The following USP28 variants were observed in gnomAD, a reference collection of about 807,000 sequenced individuals.
USP28 encodes ubiquitin carboxyl-terminal hydrolase 28.
Under a neutral mutation model 145.0 loss-of-function variants are expected in USP28, and 113 were observed. The ratio of observed to expected loss-of-function variants is 0.78; its 90% CI spans 0.67 to 0.91. The LOEUF (loss-of-function observed/expected upper bound fraction) is 0.91, where lower values mean the gene tolerates loss of function less well. Among genes scored for constraint, USP28 ranks in the 40% least tolerant of loss-of-function variants. The pLI is 0.00. For missense variants in USP28, 1,201 were observed against 1,289.6 expected, an observed-to-expected ratio of 0.93 and a Z score of 1.05; for synonymous variants, 447 against 450.9, an observed-to-expected ratio of 0.99 and a Z score of 0.11.
At chr11:113,801,116 T>C (rs1021419628) in intron 24 of USP28, among the ~76,000 whole-genome samples, 3 of 152,222 alleles carry the variant, frequency 2.0e-5, no homozygotes, top group African/African-American at 7.2e-5. Context: ...AGTGCTGGGA[T>C]TACAGGTGTG....
At chr11:113,829,063 G>A in intron 10 of USP28, 134 bp downstream of exon 10, 1 of 1,191,532 alleles carries the variant, frequency 8.4e-7, no homozygotes, top group Non-Finnish European at 1.2e-6. Context: ...CAACTGATGA[G>A]AGACTTAAGA....
At chr11:113,827,143 C>G in intron 11 of USP28, 90 bp downstream of exon 11, 2 of 1,446,994 alleles carry the variant, frequency 1.4e-6, no homozygotes, top group Non-Finnish European at 1.8e-6. Flanking sequence ...TCATGTCTCC[C>G]AGGTGATTCC....
At chr11:113,835,193 TCTA>T (rs1410731041) in intron 5 of USP28, 1 of 429,850 alleles carries the variant, frequency 2.3e-6, no homozygotes, top group African/African-American at 2.1e-5. Flanking sequence ...ATCACATTTT[TCTA>T]CTATGAATAC....
intron 5 of USP28, among the ~76,000 whole-genome samples, chr11:113,837,312 C>G (rs936489546): frequency 2.6e-5 from 4 of 152,192 alleles, no homozygotes; most frequent in Non-Finnish European, 5.9e-5. Context: ...AGCAGGTGTT[C>G]AATTGTTTGC....
At chr11:113,816,490 C>T (rs373996749) in intron 13 of USP28, among the ~76,000 whole-genome samples, 145 of 152,102 alleles carry the variant, frequency 9.5e-4, no homozygotes, top group Middle Eastern at 6.8e-3. Flanking sequence ...TCCAGCCTGG[C>T]GACAGAGTGA....
chr11:113,799,776 A>T (rs986037278), intron 24 of USP28, among the ~76,000 whole-genome samples: 1 of 152,238 alleles, frequency 6.6e-6, no homozygotes, highest in Non-Finnish European at 1.5e-5. Flanking sequence ...AGGGGTGTAC[A>T]GTCTTTTGGC....
Position 113,819,877 on chromosome 11 carries a change from G to A in USP28, c.1284-2040C>T, listed in dbSNP as rs1366382461. 6.6e-5 allele frequency among the ~76,000 whole-genome samples: 10 copies of A among 152,100 alleles called. 1 individual carries two copies. The highest frequency in any genetic ancestry group is 9.7e-5 in the African/African-American group (4 of 41,420). On this transcript the variant is annotated intron_variant, in intron 12 of 24. Coordinates refer to ENST00000003302, the Ensembl canonical transcript of USP28. ...TAGGACTACAGGCATGCGCCACCAC[G>A]CTCGGCTAATTCTGTATTTTTAGTA...
chr11:113,861,010 C>T (rs981586434), intron 1 of USP28, among the ~76,000 whole-genome samples: 1 of 151,348 alleles, frequency 6.6e-6, no homozygotes, highest in Non-Finnish European at 1.5e-5. Context: ...CCCAGCTACT[C>T]GGGAGGCTGA....
chr11:113,832,368 G>A (rs777704795), intron 7 of USP28, among the ~76,000 whole-genome samples: 1 of 152,090 alleles, frequency 6.6e-6, no homozygotes, highest in African/African-American at 2.4e-5. Context: ...CCTCGGCGTC[G>A]CAAGTGCTGG....
chr11:113,867,902 A>G (rs1422993342), intron 1 of USP28, among the ~76,000 whole-genome samples: 2 of 152,160 alleles, frequency 1.3e-5, no homozygotes. Context: ...AAGATTGAAA[A>G]AGAAAATGTT....
intron 18 of USP28, 50 bp downstream of exon 19, chr11:113,807,901 G>C: frequency 1.0e-6 from 1 of 987,236 alleles, no homozygotes; most frequent in Non-Finnish European, 1.2e-6. Flanking sequence ...ACAAGAGAAG[G>C]AAATATAAGA....
At chr11:113,875,548 C>G in exon 1 of USP28, 1 of 1,130,894 alleles carries the variant, frequency 8.8e-7, no homozygotes, top group Non-Finnish European at 1.1e-6. Context: ...CCGCAGCCGC[C>G]GCCGGCCCAG....
chr11:113,837,915 A>T (rs959078865), intron 5 of USP28, among the ~76,000 whole-genome samples: 1 of 151,866 alleles, frequency 6.6e-6, no homozygotes, highest in South Asian at 2.1e-4. Flanking sequence ...TCCAACAACT[A>T]TTTCAAACTT....
intron 1 of USP28, among the ~76,000 whole-genome samples, chr11:113,869,752 A>C (rs1948635045): frequency 6.6e-6 from 1 of 152,194 alleles, no homozygotes; most frequent in Non-Finnish European, 1.5e-5. Flanking sequence ...GCCTAGTATA[A>C]CAACCCTGGG....
intron 1 of USP28, among the ~76,000 whole-genome samples, chr11:113,856,123 A>C (rs967342151): frequency 3.6e-4 from 55 of 152,314 alleles, no homozygotes; most frequent in African/African-American, 1.2e-3. Flanking sequence ...AAAAACTAAA[A>C]TCGCAAGCAT....
chr11:113,835,887 C>T (rs1471349936), intron 5 of USP28, among the ~76,000 whole-genome samples: 1 of 152,130 alleles, frequency 6.6e-6, no homozygotes, highest in African/African-American at 2.4e-5. Context: ...TCAAGACCAG[C>T]CTGACCAACA....
At chr11:113,866,999 A>T (rs1169904264) in intron 1 of USP28, among the ~76,000 whole-genome samples, 1 of 152,228 alleles carries the variant, frequency 6.6e-6, no homozygotes, top group Admixed American at 6.5e-5. Context: ...ACTTGAACAA[A>T]TCTCAAAAAC....
intron 1 of USP28, among the ~76,000 whole-genome samples, chr11:113,858,023 G>A (rs141172641): frequency 4.5e-4 from 69 of 152,086 alleles, no homozygotes; most frequent in African/African-American, 1.4e-3. Context: ...CCACCACCAC[G>A]CCCAGCTAGT....
intron 1 of USP28, 100 bp downstream of exon 1, chr11:113,875,345 C>T: frequency 4.0e-6 from 4 of 999,860 alleles, no homozygotes; most frequent in East Asian, 5.0e-5. Flanking sequence ...CCGGCCGGGG[C>T]GCCCTCCGCA....
Sources: allele counts gnomAD v4.1 joint callset (sites outside exome capture counted in the v4.1 genomes callset), GRCh38; gene constraint gnomAD v4.1.1; transcripts MANE v1.5; gene names NCBI Gene and HGNC (gene_info 2026-07-23, HGNC 2026-07-21).